The following TOGARAM1 variants were observed in gnomAD, a reference collection of about 807,000 sequenced individuals.
TOGARAM1 encodes TOG array regulator of axonemal microtubules 1.
Under a neutral mutation model 166.6 loss-of-function variants are expected in TOGARAM1, and 100 were observed. That is an observed-to-expected ratio of 0.60 (90% CI 0.51 to 0.71). The LOEUF (loss-of-function observed/expected upper bound fraction) is 0.71. Ranked by LOEUF, TOGARAM1 falls within the 30% of genes least tolerant of loss-of-function variation. The pLI is 0.00. For synonymous variants in TOGARAM1, 758 were observed against 763.8 expected, an observed-to-expected ratio of 0.99 and a Z score of 0.13; for missense variants, 2,029 against 2,102.7, an observed-to-expected ratio of 0.96 and a Z score of 0.69.
intron 11 of TOGARAM1, among the ~76,000 whole-genome samples, chr14:45,036,382 T>TA (rs1881439996): frequency 6.6e-6 from 1 of 152,048 alleles, no homozygotes; most frequent in South Asian, 2.1e-4. Flanking sequence ...GAGATTAGAT[T>TA]AAAAAGCAAG....
At chr14:45,069,978 C>A (rs912916039) in intron 18 of TOGARAM1, among the ~76,000 whole-genome samples, 2 of 152,128 alleles carry the variant, frequency 1.3e-5, no homozygotes, top group South Asian at 2.1e-4. Context: ...GTCAGGAGAT[C>A]GAGACCATCC....
At chr14:45,065,746 C>T (rs966774849) in intron 16 of TOGARAM1, among the ~76,000 whole-genome samples, 1 of 152,170 alleles carries the variant, frequency 6.6e-6, no homozygotes, top group Non-Finnish European at 1.5e-5. Context: ...TGGTTGACAT[C>T]TGGGAACTTA....
intron 4 of TOGARAM1, among the ~76,000 whole-genome samples, chr14:45,004,952 C>T (rs1331062618): frequency 2.7e-5 from 4 of 150,316 alleles, no homozygotes; most frequent in African/African-American, 9.8e-5. Flanking sequence ...GACGGAGTTT[C>T]GCTCTTGTTG....
In TOGARAM1 at chr14:44,962,480, A is replaced by G. The variant is rs141051891; in HGVS notation, c.59A>G (p.Tyr20Cys). Residue 20 changes from tyrosine to cysteine, a missense_variant, in exon 1 of 20, where the codon TAT (tyrosine) becomes TGT (cysteine). Coordinates refer to ENST00000361462, the MANE Select transcript of TOGARAM1 (RefSeq NM_001308120.2). ...LLPPFPVLST[Y>C]RLQSRSRPSA... ...CCGCCCTTTCCAGTCCTCTCTACCT[A>G]TCGGCTCCAGAGCCGCAGTCGTCCT... 4.3e-5 allele frequency: 69 copies of G among 1,608,130 alleles called. No homozygotes were observed. The highest frequency in any genetic ancestry group is 5.8e-5 in the Non-Finnish European group (68 of 1,177,736).
chr14:45,021,232 C>G (rs1481777510), intron 7 of TOGARAM1, among the ~76,000 whole-genome samples: 1 of 152,178 alleles, frequency 6.6e-6, no homozygotes, highest in East Asian at 1.9e-4. Flanking sequence ...TAAAAATTTT[C>G]CCTGTCCAAT....
chr14:45,044,511 A>T, intron 12 of TOGARAM1, 124 bp from the exon 13 acceptor site: 1 of 685,496 alleles, frequency 1.5e-6, no homozygotes, highest in Non-Finnish European at 2.4e-6. Context: ...ACTGCACTCC[A>T]GCCTGGTCGA....
At chr14:44,995,520 G>T in intron 1 of TOGARAM1, 2 of 533,610 alleles carry the variant, frequency 3.7e-6, no homozygotes, top group Non-Finnish European at 7.2e-6. Flanking sequence ...AACAGTAAAG[G>T]GTTGGGGTGA....
rs1415994763 is a variant in TOGARAM1 at position 45,066,767 on chromosome 14, G to A, written c.4749G>A (p.Lys1583=). ...ACCTTGTTGTTGGAAACATTGTGAAGGTAAGGACTTGTCAGAATTAATTTT... is the reference window on the plus strand; with the variant it reads ...ACCTTGTTGTTGGAAACATTGTGAAAGTAAGGACTTGTCAGAATTAATTTT... ...NQDLVVGNIV[K]IFDAFKSRLH... is the part of the protein sequence containing the mutation. Residue 1583 remains lysine, a splice_region_variant and synonymous_variant, in exon 17 of 20, where the codon AAG becomes AAA. Transcript: ENST00000361462. 6 of 1,609,370 alleles carry A rather than the reference G, an allele frequency of 3.7e-6. No individual in the cohort carries two copies. In the East Asian group the frequency reaches 1.1e-4, roughly 30 times the overall value.
chr14:45,050,558 G>C (rs1291381812), intron 14 of TOGARAM1, among the ~76,000 whole-genome samples: 1 of 149,992 alleles, frequency 6.7e-6, no homozygotes, highest in East Asian at 2.0e-4. Flanking sequence ...TGGTCAAGAC[G>C]GGTGGTCTTA....
intron 1 of TOGARAM1, among the ~76,000 whole-genome samples, chr14:44,987,866 CAAT>C (rs1189485696): frequency 2.7e-5 from 4 of 149,108 alleles, no homozygotes; most frequent in African/African-American, 9.9e-5. Flanking sequence ...AAATGTCCAA[CAAT>C]GATAGACTGG....
chr14:44,983,223 G>C (rs551520100), intron 1 of TOGARAM1, among the ~76,000 whole-genome samples: 2 of 152,250 alleles, frequency 1.3e-5, no homozygotes, highest in Admixed American at 1.3e-4. Flanking sequence ...AAGATTAAAT[G>C]GGTCAAGAAC....
At chr14:45,070,984 T>C (rs1159804738) in intron 18 of TOGARAM1, among the ~76,000 whole-genome samples, 1 of 152,188 alleles carries the variant, frequency 6.6e-6, no homozygotes, top group South Asian at 2.1e-4. Flanking sequence ...TGCAATGGCA[T>C]GATCTCAGCT....
intron 1 of TOGARAM1, among the ~76,000 whole-genome samples, chr14:44,985,359 A>G (rs1886739176): frequency 6.6e-6 from 1 of 152,156 alleles, no homozygotes; most frequent in Admixed American, 6.5e-5. Flanking sequence ...TGTTAACATC[A>G]TCCCAAAGCA....
intron 16 of TOGARAM1, among the ~76,000 whole-genome samples, chr14:45,057,460 T>A (rs747837547): frequency 2.1e-4 from 32 of 152,252 alleles, no homozygotes; most frequent in Middle Eastern, 6.8e-3. Context: ...AGGGTCTCAC[T>A]CTGTTGCCTA....
chr14:44,971,944 C>A (rs1885906396), intron 1 of TOGARAM1, among the ~76,000 whole-genome samples: 2 of 151,558 alleles, frequency 1.3e-5, no homozygotes, highest in South Asian at 4.2e-4. Context: ...GCTGGGTAGA[C>A]CTCGGAAATT....
intron 6 of TOGARAM1, among the ~76,000 whole-genome samples, chr14:45,009,731 T>C (rs1879682559): frequency 6.6e-6 from 1 of 152,184 alleles, no homozygotes; most frequent in African/African-American, 2.4e-5. Context: ...GACTAACTTT[T>C]TCAGATTACT....
At chr14:45,030,775 T>C (rs1881112485) in intron 10 of TOGARAM1, among the ~76,000 whole-genome samples, 3 of 152,198 alleles carry the variant, frequency 2.0e-5, no homozygotes. Context: ...AGATTCTGTC[T>C]TATACCTCTT....
At chr14:45,024,283 T>C (rs531443956) in intron 7 of TOGARAM1, among the ~76,000 whole-genome samples, 39 of 152,288 alleles carry the variant, frequency 2.6e-4, no homozygotes, top group Non-Finnish European at 4.7e-4. Context: ...CTAGATTCCA[T>C]GATTTACTAT....
In TOGARAM1 at chr14:45,068,388, C is replaced by A; in HGVS notation, c.4750-36C>A. 1.4e-6 allele frequency: 2 copies of A among 1,421,064 alleles called. 1 individual carries two copies. Among genetic ancestry groups the A allele is most frequent in the South Asian group, 2.5e-5 (2 of 80,006 alleles). The allele number at this position is 1,421,064 out of a possible 1,614,324, so 88.0% of individuals were successfully genotyped here. On this transcript the variant is annotated intron_variant, in intron 17 of 19. Coordinates refer to ENST00000361462, the MANE Select transcript of TOGARAM1 (RefSeq NM_001308120.2). Reference sequence around the variant, plus strand: ...TTATAAATACAATAGCTATAAAAATCATTTTACTTTAAATAATTTACCAAT... The same window carrying A: ...TTATAAATACAATAGCTATAAAAATAATTTTACTTTAAATAATTTACCAAT...
Sources: allele counts gnomAD v4.1 joint callset (sites outside exome capture counted in the v4.1 genomes callset), GRCh38; gene constraint gnomAD v4.1.1; transcripts MANE v1.5; gene names NCBI Gene and HGNC (gene_info 2026-07-23, HGNC 2026-07-21).